Variants in RNFT2 observed in about 807,000 individuals in gnomAD.
RNFT2 encodes E3 ubiquitin-protein ligase RNFT2.
RNFT2 carries 36 observed loss-of-function variants against 53.0 expected under a neutral mutation model. That is an observed-to-expected ratio of 0.68 (90% CI 0.52 to 0.90). The LOEUF is 0.90. RNFT2 is among the 40% of genes least tolerant of loss of function. The probability of loss-of-function intolerance (pLI) is 0.00; values close to 1 mark genes in which losing one functional copy is unlikely to be tolerated. For missense variants in RNFT2, 514 were observed against 585.6 expected (o/e 0.88, Z 1.26); for synonymous variants, 260 against 253.2 (o/e 1.03, Z -0.26).
chr12:116,845,324 A>G (rs1221632409), intron 10 of RNFT2, among the ~76,000 whole-genome samples: 1 of 151,026 alleles, frequency 6.6e-6, no homozygotes, highest in African/African-American at 2.4e-5. Flanking sequence ...AATCAGATGA[A>G]TTTGCAAATA....
chr12:116,835,949 T>C lies in RNFT2; in HGVS notation c.1033-11T>C. The C allele has an allele frequency of 6.2e-7, 1 of 1,614,008 alleles. No homozygotes were observed. Among genetic ancestry groups the C allele is most frequent in the Non-Finnish European group, 8.5e-7 (1 of 1,179,888 alleles). The stretch of plus-strand genomic sequence containing the variant: ...GGGTACATTTCAGCCACCACCCTGC[T>C]CTCCTTTCAGTCCTTCGACATCTGT... On this transcript the variant is annotated splice_polypyrimidine_tract_variant and intron_variant, in intron 8 of 10. Coordinates refer to ENST00000257575, the MANE Select transcript of RNFT2 (RefSeq NM_001382266.1).
intron 5 of RNFT2, among the ~76,000 whole-genome samples, 161 bp from the exon 6 acceptor site, chr12:116,766,653 G>A (rs1183069171): frequency 6.6e-6 from 1 of 152,186 alleles, no homozygotes; most frequent in Non-Finnish European, 1.5e-5. Flanking sequence ...CACCGCTTGG[G>A]TATCAGTGGA....
At chr12:116,768,753 C>T (rs548913787) in intron 6 of RNFT2, among the ~76,000 whole-genome samples, 41 of 136,702 alleles carry the variant, frequency 3.0e-4, no homozygotes, top group East Asian at 2.6e-3. Context: ...TTTTTTGAAA[C>T]GAGTTTTGCC....
chr12:116,836,007 G>A lies in RNFT2; in HGVS notation c.1080G>A (p.Lys360=). Residue 360 remains lysine, a synonymous_variant, in exon 9 of 11, where the codon AAG becomes AAA. Coordinates refer to ENST00000257575, the MANE Select transcript of RNFT2 (RefSeq NM_001382266.1). ...GRVGGVRKAL[K]LLCTSQNYGV... ...TGGGCGGAGTTAGGAAAGCCCTGAA[G>A]CTTCTCTGTACCTCTCAGGTGAGTT... 1 of 1,613,998 alleles carries A rather than the reference G, an allele frequency of 6.2e-7. No homozygotes were observed. The highest frequency in any genetic ancestry group is 8.5e-7 in the Non-Finnish European group (1 of 1,179,906).
rs1303688644 is a variant in RNFT2, at chr12:116,832,141, A to AT, written c.883-1651_883-1650insT. On this transcript the variant is annotated intron_variant, in intron 7 of 10. Transcript: ENST00000257575. ...GCAAGACCTTGTCTCAAAAAAAAAA[A>AT]AAAAAAAATATATATATATATATAT... 1.8e-3 allele frequency among the ~76,000 whole-genome samples: 148 copies of AT among 82,414 alleles called. 1 individual carries two copies. Among genetic ancestry groups the AT allele is most frequent in the African/African-American group, 5.6e-3 (141 of 24,980 alleles). 54.1% of individuals were successfully genotyped at this position (82,414 alleles called of 152,430 possible). A position where few individuals can be genotyped will look rare whatever the true frequency, so the allele number is the denominator to read the frequency against.
chr12:116,764,803 A>C (rs1395524034), intron 5 of RNFT2, among the ~76,000 whole-genome samples: 2 of 152,186 alleles, frequency 1.3e-5, no homozygotes, highest in Non-Finnish European at 2.9e-5. Flanking sequence ...GAGGCAGGAG[A>C]ACCACTTGAA....
chr12:116,849,249 G>A, intron 10 of RNFT2, 65 bp from the exon 11 acceptor site: 1 of 1,378,372 alleles, frequency 7.3e-7, no homozygotes. Flanking sequence ...CCCTTCTCCT[G>A]CTCCCGAGAC....
chr12:116,799,371 GGTAACTGATTA>G (rs1874655643), intron 7 of RNFT2, among the ~76,000 whole-genome samples: 1 of 152,130 alleles, frequency 6.6e-6, no homozygotes, highest in African/African-American at 2.4e-5. Context: ...CCAACTAAAG[GGTAACTGATTA>G]GTAACCTCAA....
chr12:116,743,238 AAAAAAACCG>A lies in RNFT2; in HGVS notation c.83+2145_83+2153del, dbSNP rs1871720887. On this transcript the variant is annotated intron_variant, in intron 3 of 10. Coordinates refer to ENST00000257575, the MANE Select transcript of RNFT2 (RefSeq NM_001382266.1). ...TAAAAAAAAAAAAAAAAAAAAAAAAAAAAAAACCGGTTAAAAAACACTCATGAGCTAGAA... is the reference window on the plus strand; with the variant it reads ...TAAAAAAAAAAAAAAAAAAAAAAAAAGTTAAAAAACACTCATGAGCTAGAA... 7.0e-5 allele frequency among the ~76,000 whole-genome samples: 8 copies of A among 114,288 alleles called. 1 individual carries two copies. Among genetic ancestry groups the A allele is most frequent in the African/African-American group, 1.9e-4 (6 of 31,524 alleles). 75.0% of individuals were successfully genotyped at this position (114,288 alleles called of 152,430 possible).
chr12:116,761,882 C>T (rs1043773616), intron 5 of RNFT2, among the ~76,000 whole-genome samples: 4 of 152,114 alleles, frequency 2.6e-5, no homozygotes, highest in African/African-American at 7.2e-5. Context: ...CACCAATTCA[C>T]AAACCCATTG....
chr12:116,819,590 G>C (rs1376342084), intron 7 of RNFT2, among the ~76,000 whole-genome samples: 1 of 152,152 alleles, frequency 6.6e-6, no homozygotes, highest in African/African-American at 2.4e-5. Context: ...GCCGCCAGGA[G>C]GGGGATTAAT....
At chr12:116,825,630 T>C (rs1276305446) in intron 7 of RNFT2, among the ~76,000 whole-genome samples, 2 of 152,246 alleles carry the variant, frequency 1.3e-5, no homozygotes, top group African/African-American at 2.4e-5. Flanking sequence ...ATTGGTAGCT[T>C]GAAGCTGGCC....
rs532936672 is a variant in RNFT2 at position 116,828,074 on chromosome 12, C to T, written c.883-5718C>T. ...GTTTCATGGGGTAGCCGTGTCCTTA[C>T]CTGTCATGAGACCAGGCAGACGAAG... On this transcript the variant is annotated intron_variant, in intron 7 of 10. Coordinates refer to ENST00000257575, the MANE Select transcript of RNFT2 (RefSeq NM_001382266.1). 1.7e-3 allele frequency among the ~76,000 whole-genome samples: 264 copies of T among 152,300 alleles called. 1 individual carries two copies. Among genetic ancestry groups the T allele is most frequent in the Admixed American group, 4.7e-3 (72 of 15,284 alleles).
chr12:116,771,488 A>ATATATATATATAT, intron 6 of RNFT2, among the ~76,000 whole-genome samples: 1 of 99,922 alleles, frequency 1.0e-5, no homozygotes, highest in Non-Finnish European at 1.9e-5. Flanking sequence ...AAAAAAAAAA[A>ATATATATATATAT]AAAAAAATAC....
chr12:116,787,834 A>G (rs1171623343), intron 7 of RNFT2, among the ~76,000 whole-genome samples: 2 of 152,024 alleles, frequency 1.3e-5, no homozygotes, highest in Middle Eastern at 3.2e-3. Flanking sequence ...CCTGTCTGGC[A>G]TCTTACTTAC....
intron 10 of RNFT2, among the ~76,000 whole-genome samples, chr12:116,841,402 G>A (rs1292537089): frequency 6.6e-5 from 10 of 151,940 alleles, no homozygotes; most frequent in East Asian, 3.9e-4. Context: ...GCAGTGAGCC[G>A]AGATTGCACC....
At chr12:116,802,970 A>T (rs1456638712) in intron 7 of RNFT2, among the ~76,000 whole-genome samples, 1 of 151,952 alleles carries the variant, frequency 6.6e-6, no homozygotes, top group Non-Finnish European at 1.5e-5. Context: ...TAGCATATGC[A>T]TATAGACCCA....
rs201488125 is a variant in RNFT2 at position 116,851,229 on chromosome 12, AT to A, written c.*1782del. On this transcript the variant is annotated 3_prime_UTR_variant, in exon 11 of 11. Transcript: ENST00000257575. ...TTTCAGAACCCACATCTAAAAAAAA[AT>A]AAATTTATTAGAGATGAGGTTTCTA... 3.4e-3 allele frequency: 516 copies of A among 151,324 alleles called. 3 individuals carry two copies. Among genetic ancestry groups the A allele is most frequent in the African/African-American group, 6.7e-3 (279 of 41,376 alleles). The allele number at this position is 151,324 out of a possible 1,614,324, so 9.4% of individuals were successfully genotyped here. A position where few individuals can be genotyped will look rare whatever the true frequency, so the allele number is the denominator to read the frequency against.
chr12:116,745,435 G>A (rs927305502), intron 3 of RNFT2, among the ~76,000 whole-genome samples: 7 of 151,772 alleles, frequency 4.6e-5, no homozygotes, highest in African/African-American at 7.3e-5. Flanking sequence ...TCAGCCTCCC[G>A]AAGTGCTGGG....
Sources: gnomAD v4.1 joint callset for allele counts (sites outside exome capture counted in the v4.1 genomes callset) on GRCh38, gnomAD v4.1.1 for gene constraint, MANE v1.5 for transcripts, NCBI Gene and HGNC (gene_info 2026-07-23, HGNC 2026-07-21) for gene names.